DLG2: variants seen among roughly 807,000 people sequenced by gnomAD.
DLG2 encodes the protein disks large homolog 2.
A neutral mutation model predicts 132.5 loss-of-function variants in DLG2; 45 were observed. The ratio of observed to expected loss-of-function variants is 0.34; its 90% CI spans 0.27 to 0.44. The LOEUF (loss-of-function observed/expected upper bound fraction) is 0.44, where lower values mean the gene tolerates loss of function less well. DLG2 is among the 20% of genes least tolerant of loss of function. The pLI is 1.00. For missense variants in DLG2, 1,045 were observed against 1,196.9 expected (o/e 0.87, Z 1.87); for synonymous variants, 424 against 419.6 (o/e 1.01, Z -0.13).
intron 3 of DLG2, among the ~76,000 whole-genome samples, chr11:85,413,543 G>C (rs2089535821): frequency 6.6e-6 from 1 of 151,922 alleles, no homozygotes; most frequent in African/African-American, 2.4e-5. Flanking sequence ...TCCGGTCTTA[G>C]ATTTAAGTCC....
intron 6 of DLG2, among the ~76,000 whole-genome samples, chr11:84,648,580 G>A (rs954468796): frequency 9.9e-5 from 15 of 152,116 alleles, no homozygotes; most frequent in Admixed American, 2.6e-4. Context: ...GGTGGGAAGT[G>A]TTTGGAGCAT....
intron 11 of DLG2, among the ~76,000 whole-genome samples, chr11:84,027,174 A>G (rs1366766932): frequency 6.6e-6 from 1 of 152,088 alleles, no homozygotes; most frequent in Non-Finnish European, 1.5e-5. Flanking sequence ...GGTTGTAGCT[A>G]AGTAGGGCTT....
At chr11:84,080,731 C>T (rs11823256) in intron 10 of DLG2, among the ~76,000 whole-genome samples, 2,187 of 152,206 alleles carry the variant, frequency 0.014, 54 homozygotes, top group African/African-American at 0.049. Context: ...GTGGCTTACA[C>T]ATAAAATCCC....
At chr11:84,117,322 G>A (rs938306150) in intron 9 of DLG2, among the ~76,000 whole-genome samples, 16 of 152,100 alleles carry the variant, frequency 1.1e-4, no homozygotes, top group African/African-American at 1.7e-4. Context: ...TAGTCATTCC[G>A]AAAATTCTGC....
chr11:85,022,051 T>TA (rs901583550), intron 6 of DLG2, among the ~76,000 whole-genome samples: 24 of 152,104 alleles, frequency 1.6e-4, no homozygotes, highest in Non-Finnish European at 3.1e-4. Context: ...AAAAATTGCA[T>TA]AAAAAGGAAA....
At chr11:85,496,755 C>A (rs995035655) in intron 3 of DLG2, among the ~76,000 whole-genome samples, 33 of 152,162 alleles carry the variant, frequency 2.2e-4, no homozygotes, top group African/African-American at 8.0e-4. Context: ...TGCTGTTCTG[C>A]AACCTCCACC....
chr11:85,138,266 G>T (rs2076248397), intron 5 of DLG2, among the ~76,000 whole-genome samples: 1 of 152,000 alleles, frequency 6.6e-6, no homozygotes, highest in South Asian at 2.1e-4. Context: ...TATATAAATG[G>T]TAGGTTATAA....
At position 84,007,578 on chromosome 11, in the gene DLG2, T is replaced by C. The variant is rs878993077; in HGVS notation, c.920-26936A>G. On this transcript the variant is annotated intron_variant, in intron 11 of 27. Transcript: ENST00000376104. The stretch of plus-strand genomic sequence containing the variant: ...TACACAAATAAATTCAGCTACATAA[T>C]TGAACATCTTTAATGACTGCTTAAA... Among the ~76,000 whole-genome samples, 9 of 151,748 alleles carry C rather than the reference T, an allele frequency of 5.9e-5. No homozygotes were observed. The East Asian group carries it at 7.7e-4, about 13-fold the overall frequency.
chr11:84,092,654 G>A (rs1363894891), intron 10 of DLG2, among the ~76,000 whole-genome samples: 1 of 152,126 alleles, frequency 6.6e-6, no homozygotes, highest in East Asian at 1.9e-4. Flanking sequence ...CCTTTAGTCT[G>A]CACTGTCACT....
intron 7 of DLG2, among the ~76,000 whole-genome samples, chr11:84,453,481 C>A (rs948646153): frequency 1.3e-5 from 2 of 151,430 alleles, no homozygotes; most frequent in Admixed American, 1.3e-4. Context: ...ATGATAGGAT[C>A]AATAATTATA....
At chr11:84,906,256 A>G (rs1178049027) in intron 6 of DLG2, among the ~76,000 whole-genome samples, 1 of 134,432 alleles carries the variant, frequency 7.4e-6, no homozygotes, top group South Asian at 2.3e-4. Context: ...TTTTTTTTAC[A>G]TCCCTAAAAA....
At chr11:84,925,377 T>C (rs1043760109) in intron 6 of DLG2, among the ~76,000 whole-genome samples, 1 of 152,130 alleles carries the variant, frequency 6.6e-6, no homozygotes, top group Non-Finnish European at 1.5e-5. Context: ...TGTGTATACA[T>C]TTTTTTAAAA....
chr11:84,757,875 C>T (rs2067094256), intron 6 of DLG2, among the ~76,000 whole-genome samples: 3 of 152,130 alleles, frequency 2.0e-5, no homozygotes, highest in East Asian at 1.9e-4. Context: ...CTGGTAAAGT[C>T]GGCAAACCTG....
chr11:83,870,319 T>C (rs1421091862), intron 16 of DLG2, among the ~76,000 whole-genome samples: 4 of 152,202 alleles, frequency 2.6e-5, no homozygotes, highest in African/African-American at 4.8e-5. Context: ...AATGTCCATG[T>C]GTATATATTA....
chr11:84,363,261 T>G (rs1234657134), intron 7 of DLG2, among the ~76,000 whole-genome samples: 3 of 152,054 alleles, frequency 2.0e-5, no homozygotes, highest in African/African-American at 7.2e-5. Context: ...TGATAGCCAG[T>G]GATGGTGAGG....
At chr11:84,418,760 A>G (rs1237383573) in intron 7 of DLG2, among the ~76,000 whole-genome samples, 1 of 152,154 alleles carries the variant, frequency 6.6e-6, no homozygotes, top group Non-Finnish European at 1.5e-5. Flanking sequence ...CCTAGAATAA[A>G]TACGCTTAGG....
At chr11:84,976,556 G>GT (rs2054937047) in intron 6 of DLG2, among the ~76,000 whole-genome samples, 2 of 151,928 alleles carry the variant, frequency 1.3e-5, no homozygotes, top group African/African-American at 4.8e-5. Context: ...CTTTTATCAA[G>GT]TGCCAGAGTA....
chr11:84,020,816 T>A (rs1012860356), intron 11 of DLG2, among the ~76,000 whole-genome samples: 1 of 152,194 alleles, frequency 6.6e-6, no homozygotes, highest in Non-Finnish European at 1.5e-5. Flanking sequence ...CGATTGCCAT[T>A]AAAAGATTGT....
intron 3 of DLG2, among the ~76,000 whole-genome samples, chr11:85,374,965 A>AACAC (rs550374938): frequency 4.6e-5 from 7 of 150,834 alleles, no homozygotes; most frequent in African/African-American, 1.2e-4. Context: ...TTATTCAGCA[A>AACAC]ACACACACAC....
Sources: gnomAD v4.1 joint callset for allele counts (sites outside exome capture counted in the v4.1 genomes callset) on GRCh38, gnomAD v4.1.1 for gene constraint, MANE v1.5 for transcripts, NCBI Gene and HGNC (gene_info 2026-07-23, HGNC 2026-07-21) for gene names.